The following NMNAT3 variants were observed in gnomAD, a reference collection of about 807,000 sequenced individuals.
The protein encoded by NMNAT3 is nicotinamide/nicotinic acid mononucleotide adenylyltransferase 3.
Under a neutral mutation model 24.8 loss-of-function variants are expected in NMNAT3, and 21 were observed. That is an observed-to-expected ratio of 0.85 (90% CI 0.60 to 1.22). The LOEUF (loss-of-function observed/expected upper bound fraction) is 1.22, where lower values mean the gene tolerates loss of function less well. Ranked by LOEUF, NMNAT3 falls within the 50% of genes most tolerant of loss-of-function variation. The pLI, the probability that NMNAT3 is intolerant of heterozygous loss-of-function variation, is 0.00. For missense variants in NMNAT3, 387 were observed against 436.6 expected, an observed-to-expected ratio of 0.89 and a Z score of 1.01; for synonymous variants, 136 against 155.2, an observed-to-expected ratio of 0.88 and a Z score of 0.92.
At chr3:139,596,916 GTATATATATATATA>G (rs58824425) in intron 3 of NMNAT3, among the ~76,000 whole-genome samples, 1,617 of 97,190 alleles carry the variant, frequency 0.017, 73 homozygotes, top group Non-Finnish European at 0.024. Context: ...TGTCATGTGT[GTATATATATATATA>G]TATATATATA....
intron 1 of NMNAT3, among the ~76,000 whole-genome samples, chr3:139,672,305 A>G (rs1031590228): frequency 2.0e-5 from 3 of 152,202 alleles, no homozygotes; most frequent in African/African-American, 7.2e-5. Context: ...TACTGATGGA[A>G]GGGGGAAGGC....
chr3:139,642,717 A>G (rs1435556502), intron 1 of NMNAT3, among the ~76,000 whole-genome samples: 1 of 152,080 alleles, frequency 6.6e-6, no homozygotes, highest in East Asian at 1.9e-4. Context: ...TGGTCTCCAC[A>G]TTCTTGATGG....
intron 2 of NMNAT3, chr3:139,635,007 G>C (rs1269515439): frequency 2.0e-5 from 3 of 152,180 alleles, no homozygotes; most frequent in Non-Finnish European, 4.4e-5. Context: ...ATAGAAAGTG[G>C]AGATAATTAT....
intron 1 of NMNAT3, among the ~76,000 whole-genome samples, chr3:139,673,640 G>A (rs1160603525): frequency 2.6e-5 from 4 of 152,062 alleles, no homozygotes; most frequent in Non-Finnish European, 5.9e-5. Flanking sequence ...AAAATGTGTT[G>A]CTATGTGTGT....
chr3:139,632,397 C>T (rs1417360813), intron 2 of NMNAT3, among the ~76,000 whole-genome samples: 1 of 152,224 alleles, frequency 6.6e-6, no homozygotes, highest in Non-Finnish European at 1.5e-5. Context: ...ATATGCTGGC[C>T]TCCTGCACAT....
At chr3:139,577,006 G>A (rs1237883037) in intron 5 of NMNAT3, among the ~76,000 whole-genome samples, 3 of 151,870 alleles carry the variant, frequency 2.0e-5, no homozygotes, top group African/African-American at 7.3e-5. Context: ...GCAGTGAGCC[G>A]AGATCATGCC....
At chr3:139,609,925 GCTGAGA>G (rs2055128878) in intron 3 of NMNAT3, 1 of 152,188 alleles carries the variant, frequency 6.6e-6, no homozygotes, top group South Asian at 2.1e-4. Flanking sequence ...CTCCAGAGTA[GCTGAGA>G]CTACAGGTGC....
intron 3 of NMNAT3, among the ~76,000 whole-genome samples, chr3:139,588,606 G>C (rs1185934406): frequency 6.6e-6 from 1 of 152,090 alleles, no homozygotes; most frequent in Admixed American, 6.5e-5. Context: ...TCAGGAATCG[G>C]AGGAGCCAAG....
chr3:139,628,505 G>C (rs1451970705), intron 2 of NMNAT3, among the ~76,000 whole-genome samples: 1 of 152,184 alleles, frequency 6.6e-6, no homozygotes, highest in African/African-American at 2.4e-5. Context: ...AACCAACATT[G>C]TTACTGGACT....
At chr3:139,642,040 G>A (rs2056721306) in intron 1 of NMNAT3, among the ~76,000 whole-genome samples, 1 of 152,164 alleles carries the variant, frequency 6.6e-6, no homozygotes, top group African/African-American at 2.4e-5. Flanking sequence ...TGATGAAAGA[G>A]CACTGATGAG....
At chr3:139,604,754 AG>A (rs2054866621) in intron 3 of NMNAT3, among the ~76,000 whole-genome samples, 1 of 152,338 alleles carries the variant, frequency 6.6e-6, no homozygotes, top group Non-Finnish European at 1.5e-5. Context: ...TCTTGCATGA[AG>A]TAATTTAAGG....
chr3:139,606,372 A>G (rs1442134345), intron 3 of NMNAT3, among the ~76,000 whole-genome samples: 2 of 152,192 alleles, frequency 1.3e-5, no homozygotes, highest in Non-Finnish European at 2.9e-5. Context: ...CACCTTAGGC[A>G]AGAATACCTC....
intron 3 of NMNAT3, among the ~76,000 whole-genome samples, chr3:139,617,560 C>A (rs1198893528): frequency 1.3e-5 from 2 of 152,092 alleles, no homozygotes; most frequent in African/African-American, 4.8e-5. Context: ...CACTACGTGG[C>A]AAACAGAAAG....
chr3:139,563,344 C>A (rs295507), intron 6 of NMNAT3, among the ~76,000 whole-genome samples: 50,154 of 152,064 alleles, frequency 0.33, 10,121 homozygotes, highest in South Asian at 0.61. Context: ...TTTATGTGGT[C>A]TTCCTATGGG....
intron 1 of NMNAT3, among the ~76,000 whole-genome samples, chr3:139,664,015 CTT>C (rs1441098808): frequency 1.3e-5 from 2 of 152,158 alleles, no homozygotes; most frequent in South Asian, 2.1e-4. Flanking sequence ...ATTAAGGTCT[CTT>C]TGTGCAATGA....
intron 1 of NMNAT3, among the ~76,000 whole-genome samples, chr3:139,642,999 T>A (rs1366760801): frequency 6.6e-6 from 1 of 152,128 alleles, no homozygotes; most frequent in Non-Finnish European, 1.5e-5. Context: ...AGGCTGTCCA[T>A]AAAAGGTCTT....
At chr3:139,568,202 T>A (rs1937539438) in intron 6 of NMNAT3, 1 of 152,208 alleles carries the variant, frequency 6.6e-6, no homozygotes, top group Non-Finnish European at 1.5e-5. Flanking sequence ...CTTTATCATT[T>A]TTTATTGCGT....
At chr3:139,657,757 T>G (rs1368752997) in intron 1 of NMNAT3, among the ~76,000 whole-genome samples, 2 of 150,292 alleles carry the variant, frequency 1.3e-5, no homozygotes, top group African/African-American at 2.5e-5. Flanking sequence ...CATAGGGGTA[T>G]GGTATGGAGG....
chr3:139,579,778 T>C (rs1369040384), intron 4 of NMNAT3, among the ~76,000 whole-genome samples: 1 of 152,234 alleles, frequency 6.6e-6, no homozygotes, highest in African/African-American at 2.4e-5. Context: ...TTGACAAATA[T>C]GTTATTTTGA....
Sources: allele counts gnomAD v4.1 joint callset (sites outside exome capture counted in the v4.1 genomes callset), GRCh38; gene constraint gnomAD v4.1.1; transcripts MANE v1.5; gene names NCBI Gene and HGNC (gene_info 2026-07-23, HGNC 2026-07-21).